ZMIZ1: variants seen among roughly 807,000 people sequenced by gnomAD.
The protein encoded by ZMIZ1 is zinc finger MIZ-type containing 1.
Under a neutral mutation model 113.9 loss-of-function variants are expected in ZMIZ1, and 17 were observed. The ratio of observed to expected loss-of-function variants is 0.15; its 90% CI spans 0.10 to 0.22. The LOEUF is 0.22. Among genes scored for constraint, ZMIZ1 ranks in the 10% least tolerant of loss-of-function variants. ZMIZ1 has a pLI of 1.00. For missense variants in ZMIZ1, 1,059 were observed against 1,477.8 expected (o/e 0.72, Z 4.65); for synonymous variants, 607 against 603.1 (o/e 1.01, Z -0.09).
intron 12 of ZMIZ1, 95 bp downstream of exon 12, chr10:79,293,748 G>A: frequency 2.5e-6 from 4 of 1,575,398 alleles, no homozygotes; most frequent in Non-Finnish European, 3.5e-6. Context: ...GGTGTGGCTT[G>A]GACTCCAGCA....
At chr10:79,297,505 C>T (rs962630162) in intron 13 of ZMIZ1, 108 bp from the exon 14 acceptor site, 1 of 910,634 alleles carries the variant, frequency 1.1e-6, no homozygotes. Flanking sequence ...AGTGGATGGG[C>T]CCCTGTAGCA....
intron 1 of ZMIZ1, among the ~76,000 whole-genome samples, chr10:79,100,877 C>A (rs1843343381): frequency 6.6e-6 from 1 of 152,160 alleles, no homozygotes; most frequent in Admixed American, 6.5e-5. Context: ...AGGGCTTTTG[C>A]ACACAGCATC....
chr10:79,303,886 T>G, intron 18 of ZMIZ1, 129 bp from the exon 19 acceptor site: 11 of 1,313,196 alleles, frequency 8.4e-6, no homozygotes, highest in South Asian at 1.4e-5. Flanking sequence ...CCTCTCAGCG[T>G]TTGGTGTGGG....
At chr10:79,126,969 A>G (rs4980029) in intron 2 of ZMIZ1, among the ~76,000 whole-genome samples, 40,776 of 152,066 alleles carry the variant, frequency 0.27, 6,652 homozygotes, top group East Asian at 0.47. Flanking sequence ...GACCAACCTG[A>G]GAGGATGAGG....
At chr10:79,285,915 A>C (rs1853046213) in intron 8 of ZMIZ1, among the ~76,000 whole-genome samples, 1 of 152,226 alleles carries the variant, frequency 6.6e-6, no homozygotes, top group Non-Finnish European at 1.5e-5. Flanking sequence ...GCCTGAGAAG[A>C]GGCACAGAGG....
intron 7 of ZMIZ1, among the ~76,000 whole-genome samples, chr10:79,251,530 C>T (rs1850556412): frequency 6.6e-6 from 1 of 152,200 alleles, no homozygotes; most frequent in Non-Finnish European, 1.5e-5. Flanking sequence ...CAACCCCTCA[C>T]CCCATACATC....
chr10:79,294,411 C>T (rs962273524), intron 12 of ZMIZ1: 2 of 152,608 alleles, frequency 1.3e-5, no homozygotes, highest in Admixed American at 6.5e-5. Flanking sequence ...GTAAAACCCA[C>T]ACCTCCTGCC....
chr10:79,083,767 A>G (rs1210506082), intron 1 of ZMIZ1, among the ~76,000 whole-genome samples: 1 of 152,236 alleles, frequency 6.6e-6, no homozygotes, highest in Non-Finnish European at 1.5e-5. Context: ...GGCTGTGGCC[A>G]GGAGCCCACT....
chr10:79,279,060 G>T (rs1852510070), intron 8 of ZMIZ1, among the ~76,000 whole-genome samples: 1 of 140,552 alleles, frequency 7.1e-6, no homozygotes, highest in Non-Finnish European at 1.6e-5. Flanking sequence ...CGGCCGGGCG[G>T]GGGCTGCCCC....
At position 79,173,280 on chromosome 10, in the gene ZMIZ1, G is replaced by T. The variant is rs1182736959; in HGVS notation, c.-50+11147G>T. Among the ~76,000 whole-genome samples, 5 of 152,194 alleles carry T rather than the reference G, an allele frequency of 3.3e-5. No individual in the cohort carries two copies. The East Asian group carries it at 9.6e-4, about 29-fold the overall frequency. ...CGTAAACTTTCTTAAAACATGATGA[G>T]ATTTTTTTGCGAACTTTTTTCTTTT... On this transcript the variant is annotated intron_variant, in intron 4 of 24. Coordinates refer to ENST00000334512, the MANE Select transcript of ZMIZ1 (RefSeq NM_020338.4).
chr10:79,212,141 T>G (rs542651861), intron 6 of ZMIZ1, among the ~76,000 whole-genome samples: 31 of 151,472 alleles, frequency 2.0e-4, no homozygotes, highest in Middle Eastern at 3.4e-3. Context: ...GTCACCCGTC[T>G]TCTTCTTTTT....
chr10:79,166,002 G>GTGTGT (rs56386650), intron 4 of ZMIZ1, among the ~76,000 whole-genome samples: 16 of 13,416 alleles, frequency 1.2e-3, no homozygotes, highest in East Asian at 5.0e-3. Context: ...GTGTGTGTGT[G>GTGTGT]GGCTCTCCCT....
At chr10:79,169,348 T>C (rs1157242472) in intron 4 of ZMIZ1, among the ~76,000 whole-genome samples, 1 of 152,240 alleles carries the variant, frequency 6.6e-6, no homozygotes, top group Non-Finnish European at 1.5e-5. Context: ...GGGTTCCCAG[T>C]TGCCTCCTGC....
At chr10:79,270,817 A>T (rs1739105620) in intron 7 of ZMIZ1, among the ~76,000 whole-genome samples, 1 of 152,054 alleles carries the variant, frequency 6.6e-6, no homozygotes, top group Non-Finnish European at 1.5e-5. Context: ...GGGTCATGGG[A>T]GAGGCTGGGT....
intron 1 of ZMIZ1, among the ~76,000 whole-genome samples, chr10:79,104,401 T>G (rs1220525205): frequency 6.6e-6 from 1 of 152,086 alleles, no homozygotes; most frequent in Non-Finnish European, 1.5e-5. Context: ...CCTGGTTGGG[T>G]CAGAGGGACC....
chr10:79,094,408 G>A (rs1843102774), intron 1 of ZMIZ1, among the ~76,000 whole-genome samples: 1 of 152,246 alleles, frequency 6.6e-6, no homozygotes, highest in Admixed American at 6.5e-5. Flanking sequence ...CAGACAGTCT[G>A]CAGAGCTCAG....
intron 8 of ZMIZ1, among the ~76,000 whole-genome samples, chr10:79,279,365 G>A (rs574303102): frequency 4.1e-4 from 62 of 152,136 alleles, no homozygotes; most frequent in African/African-American, 1.4e-3. Context: ...CATCTCAGAC[G>A]GGGTGGCGGG....
intron 3 of ZMIZ1, among the ~76,000 whole-genome samples, chr10:79,151,768 A>G (rs1845720224): frequency 6.6e-6 from 1 of 152,070 alleles, no homozygotes; most frequent in African/African-American, 2.4e-5. Flanking sequence ...CCCTCCCTCC[A>G]TGGCTTTCTA....
intron 7 of ZMIZ1, among the ~76,000 whole-genome samples, chr10:79,244,948 T>A (rs2132853440): frequency 6.6e-6 from 1 of 152,328 alleles, no homozygotes. Flanking sequence ...AGGGTGACTC[T>A]TGGAGTCCAC....
Sources: gnomAD v4.1 joint callset for allele counts (sites outside exome capture counted in the v4.1 genomes callset) on GRCh38, gnomAD v4.1.1 for gene constraint, MANE v1.5 for transcripts, NCBI Gene and HGNC (gene_info 2026-07-23, HGNC 2026-07-21) for gene names.